DGKI: variants seen among roughly 807,000 people sequenced by gnomAD.
The protein encoded by DGKI is diacylglycerol kinase iota.
Under a neutral mutation model 147.5 loss-of-function variants are expected in DGKI, and 55 were observed. The ratio of observed to expected loss-of-function variants is 0.37; its 90% CI spans 0.30 to 0.47. DGKI has a LOEUF of 0.47. Among genes scored for constraint, DGKI ranks in the 20% least tolerant of loss-of-function variants. DGKI has a pLI of 1.00. For synonymous variants in DGKI, 469 were observed against 477.1 expected, an observed-to-expected ratio of 0.98 and a Z score of 0.22; for missense variants, 1,007 against 1,323.8, an observed-to-expected ratio of 0.76 and a Z score of 3.71.
chr7:137,813,707 T>G (rs1274035433), intron 1 of DGKI, among the ~76,000 whole-genome samples: 2 of 152,212 alleles, frequency 1.3e-5, no homozygotes, highest in African/African-American at 4.8e-5. Context: ...ATTTCAAATC[T>G]TAAAAGAGCT....
chr7:137,412,038 C>T, intron 29 of DGKI, 132 bp downstream of exon 29: 1 of 849,828 alleles, frequency 1.2e-6, no homozygotes, highest in African/African-American at 1.7e-5. Flanking sequence ...AAAGAACATC[C>T]TGCCTCTTCT....
intron 28 of DGKI, among the ~76,000 whole-genome samples, chr7:137,439,457 G>C (rs946837266): frequency 6.6e-6 from 1 of 152,214 alleles, no homozygotes; most frequent in Non-Finnish European, 1.5e-5. Context: ...GCAGGCAAGA[G>C]AGAGCTTGTG....
At chr7:137,527,978 C>T (rs1465499363) in intron 20 of DGKI, among the ~76,000 whole-genome samples, 1 of 152,206 alleles carries the variant, frequency 6.6e-6, no homozygotes, top group African/African-American at 2.4e-5. Context: ...CACTATGAAT[C>T]TCTTCCTCCT....
intron 6 of DGKI, among the ~76,000 whole-genome samples, chr7:137,628,220 C>A (rs1032354437): frequency 3.3e-5 from 5 of 152,184 alleles, no homozygotes; most frequent in African/African-American, 1.2e-4. Flanking sequence ...ATACAATACA[C>A]TGTGGTACTA....
chr7:137,703,150 C>T (rs1408607876), intron 1 of DGKI, among the ~76,000 whole-genome samples: 2 of 152,100 alleles, frequency 1.3e-5, no homozygotes, highest in African/African-American at 2.4e-5. Context: ...GGAAGGTCTC[C>T]GGAAACTTAC....
rs1963842 is a variant in DGKI, at chr7:137,770,846, A to G, written c.401+75616T>C. Among the ~76,000 whole-genome samples the G allele has an allele frequency of 4.0e-5, 6 of 151,628 alleles. 1 individual carries two copies. Among genetic ancestry groups the G allele is most frequent in the Admixed American group, 3.9e-4 (6 of 15,232 alleles). ...CCGCGCCCGGCCCTCAGTGGGTTTT[A>G]ATAAAATATTTTAGGGCCTTTTTAG... On this transcript the variant is annotated intron_variant, in intron 1 of 32. Transcript: ENST00000614521.
chr7:137,493,997 C>T (rs914561274), intron 21 of DGKI, among the ~76,000 whole-genome samples: 3 of 152,098 alleles, frequency 2.0e-5, no homozygotes, highest in Non-Finnish European at 4.4e-5. Context: ...AATTGAGATG[C>T]TAGAGCTAAA....
chr7:137,442,881 C>A (rs1731916), intron 28 of DGKI, among the ~76,000 whole-genome samples: 1 of 152,168 alleles, frequency 6.6e-6, no homozygotes, highest in Non-Finnish European at 1.5e-5. Context: ...ATGAAATTTG[C>A]GCATTAAGCC....
At position 137,588,191 on chromosome 7, in the gene DGKI, C is replaced by T. The variant is rs1017142773; in HGVS notation, c.1312-981G>A. On this transcript the variant is annotated intron_variant, in intron 12 of 32. Transcript: ENST00000614521. ...CAAATTTAGAAAAATTATTTTGATA[C>T]GAAGTACATAATTCTTTTTCTCTAG... Among the ~76,000 whole-genome samples, 7 of 152,078 alleles carry T rather than the reference C, an allele frequency of 4.6e-5. No individual in the cohort carries two copies. The South Asian group carries it at 8.3e-4, about 18-fold the overall frequency.
chr7:137,535,909 T>G (rs1448038972), intron 20 of DGKI, among the ~76,000 whole-genome samples: 1 of 152,250 alleles, frequency 6.6e-6, no homozygotes, highest in East Asian at 1.9e-4. Context: ...ATGCCACTCC[T>G]TACGATTCTA....
intron 21 of DGKI, among the ~76,000 whole-genome samples, chr7:137,491,085 G>A (rs756309212): frequency 6.6e-6 from 1 of 152,154 alleles, no homozygotes; most frequent in Non-Finnish European, 1.5e-5. Flanking sequence ...CCCTTAGAGA[G>A]TCAAATCCTA....
intron 17 of DGKI, among the ~76,000 whole-genome samples, chr7:137,574,944 G>A (rs749018361): frequency 2.0e-5 from 3 of 152,148 alleles, no homozygotes; most frequent in Non-Finnish European, 4.4e-5. Context: ...AAGATGCTCT[G>A]TTGTTGGGGA....
At chr7:137,756,173 G>T (rs1455960333) in intron 1 of DGKI, among the ~76,000 whole-genome samples, 1 of 152,152 alleles carries the variant, frequency 6.6e-6, no homozygotes, top group Non-Finnish European at 1.5e-5. Flanking sequence ...AAGCAGATAG[G>T]AGATCTCTCT....
chr7:137,625,456 T>A (rs1441014797), intron 6 of DGKI, among the ~76,000 whole-genome samples: 1 of 150,922 alleles, frequency 6.6e-6, no homozygotes, highest in Non-Finnish European at 1.5e-5. Flanking sequence ...CAAGACTCCA[T>A]CTCAAAAAAA....
At chr7:137,798,205 A>G (rs1467363395) in intron 1 of DGKI, among the ~76,000 whole-genome samples, 4 of 152,312 alleles carry the variant, frequency 2.6e-5, no homozygotes, top group African/African-American at 4.8e-5. Flanking sequence ...TAATTTTAAA[A>G]GTTCTCACAA....
intron 1 of DGKI, among the ~76,000 whole-genome samples, chr7:137,760,305 A>G (rs1203354018): frequency 6.6e-6 from 1 of 152,128 alleles, no homozygotes; most frequent in East Asian, 1.9e-4. Context: ...CTCCTCCCCA[A>G]ATGCTGAGCG....
At position 137,626,289 on chromosome 7, in the gene DGKI, G is replaced by A. The variant is rs115939850; in HGVS notation, c.805-2735C>T. ...GCTATTTCTTCCTCTGTCAATGACA[G>A]TATCTTTTCCCAAGAAGAAAAAAAG... On this transcript the variant is annotated intron_variant, in intron 6 of 32. Transcript: ENST00000614521. Among the ~76,000 whole-genome samples, 335 of 151,092 alleles carry A rather than the reference G, an allele frequency of 2.2e-3. 1 individual carries two copies. The highest frequency in any genetic ancestry group is 8.0e-3 in the African/African-American group (327 of 41,048).
chr7:137,543,443 C>T (rs1817765711), intron 20 of DGKI, among the ~76,000 whole-genome samples: 2 of 152,090 alleles, frequency 1.3e-5, no homozygotes, highest in Non-Finnish European at 2.9e-5. Flanking sequence ...TTTGCACATA[C>T]ACAGACATTA....
intron 1 of DGKI, among the ~76,000 whole-genome samples, chr7:137,716,858 C>T (rs952104138): frequency 1.3e-5 from 2 of 152,198 alleles, no homozygotes; most frequent in African/African-American, 4.8e-5. Context: ...AAATAACAAC[C>T]AGCTCTACCT....
Sources: gnomAD v4.1 joint callset for allele counts (sites outside exome capture counted in the v4.1 genomes callset) on GRCh38, gnomAD v4.1.1 for gene constraint, MANE v1.5 for transcripts, NCBI Gene and HGNC (gene_info 2026-07-23, HGNC 2026-07-21) for gene names.